Variants in ERBB4 observed in about 807,000 individuals in gnomAD.
ERBB4 encodes receptor tyrosine-protein kinase erbB-4.
In ERBB4, 42 loss-of-function variants were observed where a neutral mutation model predicts 158.0. That is an observed-to-expected ratio of 0.27 (90% CI 0.21 to 0.34). ERBB4 has a LOEUF of 0.34. Among genes scored for constraint, ERBB4 ranks in the 10% least tolerant of loss-of-function variants. The probability of loss-of-function intolerance (pLI) is 1.00; values close to 1 mark genes in which losing one functional copy is unlikely to be tolerated. For synonymous variants in ERBB4, 583 were observed against 558.7 expected, an observed-to-expected ratio of 1.04 and a Z score of -0.61; for missense variants, 1,333 against 1,624.1, an observed-to-expected ratio of 0.82 and a Z score of 3.08.
intron 2 of ERBB4, among the ~76,000 whole-genome samples, chr2:212,002,226 A>G (rs2076122538): frequency 6.6e-6 from 1 of 152,202 alleles, no homozygotes; most frequent in Admixed American, 6.5e-5. Flanking sequence ...AAGTTTCCAG[A>G]GACTAGATGG....
intron 19 of ERBB4, among the ~76,000 whole-genome samples, chr2:211,601,257 A>G (rs559765759): frequency 5.9e-5 from 9 of 152,230 alleles, no homozygotes; most frequent in African/African-American, 1.9e-4. Flanking sequence ...AAGAAAAAAC[A>G]TACACCTGGA....
intron 2 of ERBB4, among the ~76,000 whole-genome samples, chr2:211,948,279 A>T (rs2080760833): frequency 6.6e-6 from 1 of 151,844 alleles, no homozygotes; most frequent in African/African-American, 2.4e-5. Context: ...TACTAAAAAT[A>T]CAAAAAATTA....
In ERBB4 at chr2:211,854,238, G is replaced by C. The variant is rs10184540; in HGVS notation, c.422-66079C>G. Reference sequence around the variant, plus strand: ...AAATCAAGGAGTCCATAGTTAGAAGGCCTCATTATTTGAGCAGGAAAAATA... The same window carrying C: ...AAATCAAGGAGTCCATAGTTAGAAGCCCTCATTATTTGAGCAGGAAAAATA... On this transcript the variant is annotated intron_variant, in intron 3 of 27. Transcript: ENST00000342788. Among the ~76,000 whole-genome samples the C allele has an allele frequency of 4.2e-3, 633 of 151,976 alleles. 3 individuals are homozygous for C. The highest frequency in any genetic ancestry group is 0.015 in the African/African-American group (606 of 41,402).
intron 3 of ERBB4, among the ~76,000 whole-genome samples, chr2:211,878,336 T>C (rs2078567105): frequency 6.6e-6 from 1 of 152,180 alleles, no homozygotes; most frequent in Non-Finnish European, 1.5e-5. Flanking sequence ...AAATAACTTT[T>C]TGAAAGAAAG....
chr2:211,433,042 C>T (rs945171096), intron 20 of ERBB4, among the ~76,000 whole-genome samples: 10 of 152,100 alleles, frequency 6.6e-5, no homozygotes, highest in Non-Finnish European at 1.5e-4. Context: ...CCCAATTGGA[C>T]AGAGTGAGGG....
In ERBB4 at chr2:212,001,437, T is replaced by C. The variant is rs1281973696; in HGVS notation, c.235-53821A>G. Among the ~76,000 whole-genome samples, 3 of 152,168 alleles carry C rather than the reference T, an allele frequency of 2.0e-5. No individual in the cohort carries two copies. The East Asian group carries it at 5.8e-4, about 29-fold the overall frequency. On this transcript the variant is annotated intron_variant, in intron 2 of 27. Coordinates refer to ENST00000342788, the MANE Select transcript of ERBB4 (RefSeq NM_005235.3). ...TGTTATACTTGCTCCAGGAGAATAA[T>C]ATTTATTTTCTGTGGCCATTAATCA...
At chr2:212,509,459 A>G (rs554885984) in intron 1 of ERBB4, among the ~76,000 whole-genome samples, 49 of 152,150 alleles carry the variant, frequency 3.2e-4, no homozygotes, top group African/African-American at 1.1e-3. Flanking sequence ...GCCTGTAATC[A>G]CGATAGGTTA....
chr2:211,471,921 C>T (rs1001626932), intron 20 of ERBB4, among the ~76,000 whole-genome samples: 46 of 152,106 alleles, frequency 3.0e-4, no homozygotes, highest in South Asian at 1.0e-3. Context: ...GCAAGAGGAT[C>T]GCTTGAGGCC....
chr2:212,124,559 C>T (rs1268255076), intron 2 of ERBB4, 193 bp downstream of exon 2: 1 of 610,194 alleles, frequency 1.6e-6, no homozygotes, highest in East Asian at 2.9e-5. Context: ...AACTCAGGAG[C>T]GTCAGTCATT....
intron 1 of ERBB4, among the ~76,000 whole-genome samples, chr2:212,484,399 A>AG (rs1349787903): frequency 6.6e-6 from 1 of 152,180 alleles, no homozygotes; most frequent in African/African-American, 2.4e-5. Flanking sequence ...TCTAGAAAAA[A>AG]TAGAACATTT....
At chr2:212,191,728 GTGTTATACATGTTACATATA>G (rs1559703657) in intron 1 of ERBB4, among the ~76,000 whole-genome samples, 4 of 143,438 alleles carry the variant, frequency 2.8e-5, no homozygotes, top group Admixed American at 7.0e-5. Context: ...CATATAACAC[GTGTTATACATGTTACATATA>G]ACACGTGTTA....
chr2:212,415,687 A>C (rs1361849798), intron 1 of ERBB4, among the ~76,000 whole-genome samples: 3 of 152,238 alleles, frequency 2.0e-5, no homozygotes, highest in East Asian at 1.9e-4. Flanking sequence ...TTTATGACAA[A>C]ATAAAGAGAA....
At chr2:211,919,938 AACC>A (rs1177727288) in intron 3 of ERBB4, among the ~76,000 whole-genome samples, 1 of 152,020 alleles carries the variant, frequency 6.6e-6, no homozygotes, top group East Asian at 1.9e-4. Context: ...ATATTTAAAC[AACC>A]ACTAATCTTT....
intron 1 of ERBB4, among the ~76,000 whole-genome samples, chr2:212,333,987 C>T (rs571112316): frequency 6.6e-6 from 1 of 151,952 alleles, no homozygotes; most frequent in Non-Finnish European, 1.5e-5. Context: ...AGGCTCAATG[C>T]AAAAATTAAA....
chr2:211,467,651 G>A (rs768624671), intron 20 of ERBB4, among the ~76,000 whole-genome samples: 2 of 152,094 alleles, frequency 1.3e-5, no homozygotes, highest in African/African-American at 4.8e-5. Flanking sequence ...CCATAGAAGT[G>A]GAAGACCATT....
chr2:212,161,910 T>G (rs886889005), intron 1 of ERBB4, among the ~76,000 whole-genome samples: 3 of 151,880 alleles, frequency 2.0e-5, no homozygotes, highest in Admixed American at 6.6e-5. Flanking sequence ...TGCTTCCATT[T>G]TTCATCAGTT....
At chr2:211,614,887 A>G (rs2069329051) in intron 19 of ERBB4, among the ~76,000 whole-genome samples, 1 of 152,080 alleles carries the variant, frequency 6.6e-6, no homozygotes, top group Non-Finnish European at 1.5e-5. Flanking sequence ...CAGTTGTGTA[A>G]GATAAATAAA....
At chr2:211,507,878 T>A (rs978478080) in intron 20 of ERBB4, among the ~76,000 whole-genome samples, 1 of 152,240 alleles carries the variant, frequency 6.6e-6, no homozygotes, top group Middle Eastern at 3.4e-3. Flanking sequence ...AAACAAGCAA[T>A]GGAGAAAGGA....
At chr2:211,520,121 A>AT (rs1333238921) in intron 20 of ERBB4, among the ~76,000 whole-genome samples, 2 of 151,964 alleles carry the variant, frequency 1.3e-5, no homozygotes, top group Admixed American at 6.6e-5. Context: ...TAGCTTTAGA[A>AT]TTTTTTTTGA....
Sources: gnomAD v4.1 joint callset for allele counts (sites outside exome capture counted in the v4.1 genomes callset) on GRCh38, gnomAD v4.1.1 for gene constraint, MANE v1.5 for transcripts, NCBI Gene and HGNC (gene_info 2026-07-23, HGNC 2026-07-21) for gene names.